The following LMF1 variants were observed in gnomAD, a reference collection of about 807,000 sequenced individuals.
The protein encoded by LMF1 is transmembrane protein 112.
A neutral mutation model predicts 60.6 loss-of-function variants in LMF1; 68 were observed. That is an observed-to-expected ratio of 1.12 (90% CI 0.92 to 1.37). The LOEUF (loss-of-function observed/expected upper bound fraction) is 1.37. LMF1 is among the 40% of genes most tolerant of loss of function. LMF1 has a pLI of 0.00. For synonymous variants in LMF1, 418 were observed against 324.7 expected (o/e 1.29, Z -3.09); for missense variants, 948 against 767.2 (o/e 1.24, Z -2.78).
intron 3 of LMF1, among the ~76,000 whole-genome samples, chr16:926,002 C>T (rs115917947): frequency 3.0e-4 from 46 of 151,444 alleles, no homozygotes; most frequent in African/African-American, 9.7e-4. Flanking sequence ...TGTATGCATG[C>T]ATGCATGTGT....
At chr16:905,818 A>C (rs773014359) in intron 4 of LMF1, among the ~76,000 whole-genome samples, 3 of 152,126 alleles carry the variant, frequency 2.0e-5, no homozygotes, top group Non-Finnish European at 4.4e-5. Context: ...TATGTTGCCC[A>C]GTCTGGGCTT....
intron 1 of LMF1, chr16:964,086 T>TCGCC (rs905866412): frequency 4.4e-6 from 2 of 455,936 alleles, no homozygotes; most frequent in Non-Finnish European, 8.8e-6. Flanking sequence ...AAATACCGTG[T>TCGCC]CGCCCGAGCA....
At position 854,476 on chromosome 16, in the gene LMF1, C is replaced by G; in HGVS notation, c.*56G>C. On this transcript the variant is annotated 3_prime_UTR_variant, in exon 11 of 11. Transcript: ENST00000262301. ...AGCTTGGGCTGGGCGCAGGGAAGGG[C>G]AAACGTTGCTGAGCCGCCGAGGGGC... The G allele has an allele frequency of 6.5e-7, 1 of 1,529,454 alleles. No homozygotes were observed. The highest frequency in any genetic ancestry group is 2.4e-5 in the East Asian group (1 of 42,206). 94.7% of individuals were successfully genotyped at this position (1,529,454 alleles called of 1,614,324 possible). A position where few individuals can be genotyped will look rare whatever the true frequency, so the allele number is the denominator to read the frequency against.
At chr16:966,547 A>T (rs117690000) in intron 1 of LMF1, among the ~76,000 whole-genome samples, 1,531 of 152,324 alleles carry the variant, frequency 0.01, 18 homozygotes, top group Non-Finnish European at 0.013. Flanking sequence ...ATCCCTTCCG[A>T]ATTGTAACAA....
At chr16:907,651 G>A (rs543875725) in intron 4 of LMF1, among the ~76,000 whole-genome samples, 44 of 152,192 alleles carry the variant, frequency 2.9e-4, no homozygotes, top group African/African-American at 7.5e-4. Context: ...CTGACGGTGC[G>A]GCGCTGGTTG....
At chr16:854,975 C>G in intron 10 of LMF1, 1 of 555,276 alleles carries the variant, frequency 1.8e-6, no homozygotes. Flanking sequence ...GCAGGGCCCA[C>G]TTGGCAGAGG....
chr16:935,224 T>G (rs8051971), intron 2 of LMF1, among the ~76,000 whole-genome samples: 1 of 151,880 alleles, frequency 6.6e-6, no homozygotes, highest in Non-Finnish European at 1.5e-5. Context: ...CTCAGCCTCC[T>G]GAGTTGCTGG....
chr16:947,914 C>CGACAGAGACAGCCAAT (rs2072283293), intron 2 of LMF1, among the ~76,000 whole-genome samples: 1 of 135,520 alleles, frequency 7.4e-6, no homozygotes, highest in South Asian at 2.5e-4. Flanking sequence ...AGTCAGCCAA[C>CGACAGAGACAGCCAAT]GACAGAGTCA....
chr16:870,066 G>A lies in LMF1; in HGVS notation c.1233C>T (p.Ser411=). Residue 411 remains serine (S), a splice_region_variant and synonymous_variant, in exon 9 of 11, where the codon AGC becomes AGT. Transcript: ENST00000262301. ...HIVNTYGAFG[S]ITKERAEVIL... ...TCACCTCCGCCCGCTCCTTGGTGAT[G>A]CTGCCGGGAGACCGAGGCAGGCCAG... 6.2e-7 allele frequency: 1 copy of A among 1,606,488 alleles called. No individual in the cohort carries two copies. The highest frequency in any genetic ancestry group is 2.2e-5 in the East Asian group (1 of 44,860).
intron 4 of LMF1, among the ~76,000 whole-genome samples, chr16:909,628 A>T (rs992716043): frequency 1.3e-5 from 2 of 152,226 alleles, no homozygotes; most frequent in African/African-American, 4.8e-5. Flanking sequence ...GCCACACTTC[A>T]TGCTACATGA....
At chr16:876,780 G>C (rs568609581) in intron 6 of LMF1, among the ~76,000 whole-genome samples, 2 of 151,974 alleles carry the variant, frequency 1.3e-5, no homozygotes, top group Non-Finnish European at 2.9e-5. Context: ...CCCAAACTGA[G>C]ACCTTCAGTA....
At chr16:856,767 G>A (rs774981590) in intron 10 of LMF1, among the ~76,000 whole-genome samples, 17 of 152,380 alleles carry the variant, frequency 1.1e-4, no homozygotes, top group South Asian at 6.2e-4. Flanking sequence ...CAAAGTACCC[G>A]AGAAGGCCAT....
rs550114094 is a variant in LMF1 at position 910,991 on chromosome 16, G to C, written c.603C>G (p.Pro201=). ...AGCCCCACAGGACAATCCGGGATGT[G>C]GGGGTATGCTGGGGCAGCCTTGACA... ...WTLSRLPQHT[P]TSRIVLWGFR... The change falls in exon 4 of 11, where the codon CCC becomes CCG. Residue 201 remains proline, a synonymous_variant. Transcript: ENST00000262301. 48 of 1,613,116 alleles carry C rather than the reference G, an allele frequency of 3.0e-5. No homozygotes were observed. The highest frequency in any genetic ancestry group is 1.3e-4 in the East Asian group (6 of 44,878).
At position 878,834 on chromosome 16, in the gene LMF1, G is replaced by A. The variant is rs998121131; in HGVS notation, c.897+736C>T. Among the ~76,000 whole-genome samples the A allele has an allele frequency of 6.6e-6, 1 of 152,292 alleles. No homozygotes were observed. The highest frequency in any genetic ancestry group is 2.1e-4 in the South Asian group (1 of 4,832). ...AGCACGTGGAACGCCACCTGGACCTGTGCATTTTCCTGGCTGTATGTTACA... is the reference window on the plus strand; with the variant it reads ...AGCACGTGGAACGCCACCTGGACCTATGCATTTTCCTGGCTGTATGTTACA... On this transcript the variant is annotated intron_variant, in intron 6 of 10. Transcript: ENST00000262301. The surrounding 1 kb of genome is among the most constrained non-coding windows in gnomAD (Gnocchi z 5.2).
chr16:868,344 C>T (rs192415820), intron 10 of LMF1, among the ~76,000 whole-genome samples: 2 of 152,158 alleles, frequency 1.3e-5, no homozygotes, highest in Admixed American at 6.5e-5. Flanking sequence ...TCCTTAGTGT[C>T]TCCCTGTGCA....
intron 4 of LMF1, among the ~76,000 whole-genome samples, chr16:894,076 C>T (rs1316596653): frequency 3.6e-5 from 5 of 137,102 alleles, no homozygotes; most frequent in African/African-American, 1.4e-4. Context: ...GCCCACCCGT[C>T]CCCCTGTCCA....
chr16:857,020 G>A (rs1269635400), intron 10 of LMF1, among the ~76,000 whole-genome samples: 1 of 152,256 alleles, frequency 6.6e-6, no homozygotes, highest in Non-Finnish European at 1.5e-5. Flanking sequence ...AGAATGAGTG[G>A]AACCCTGCGG....
At chr16:975,556 G>A (rs2073119898), upstream of LMF1, among the ~76,000 whole-genome samples, 1 of 152,220 alleles carries the variant, frequency 6.6e-6, no homozygotes, top group South Asian at 2.1e-4. Context: ...AAGAAAGGCA[G>A]GGGAAAGGCT....
At chr16:976,804 G>T (rs1567349141) in intron 1 of LMF1, 1 of 454,140 alleles carries the variant, frequency 2.2e-6, no homozygotes, top group South Asian at 1.6e-5. Flanking sequence ...AGCAGTGCTG[G>T]TCTCCACGCT....
Sources: allele counts gnomAD v4.1 joint callset (sites outside exome capture counted in the v4.1 genomes callset), GRCh38; gene constraint gnomAD v4.1.1; non-coding constraint Gnocchi (gnomAD v3.1); transcripts MANE v1.5; gene names NCBI Gene and HGNC (gene_info 2026-07-23, HGNC 2026-07-21).